The following PKIA variants were observed in gnomAD, a reference collection of about 807,000 sequenced individuals.
PKIA encodes cAMP-dependent protein kinase inhibitor alpha.
Under a neutral mutation model 7.6 loss-of-function variants are expected in PKIA, and 4 were observed. That is an observed-to-expected ratio of 0.52 (90% confidence interval 0.26 to 1.20). The LOEUF (loss-of-function observed/expected upper bound fraction) is 1.20, where lower values mean the gene tolerates loss of function less well. Among genes scored for constraint, PKIA ranks in the 50% most tolerant of loss-of-function variants. The probability of loss-of-function intolerance (pLI) is 0.13; values close to 1 mark genes in which losing one functional copy is unlikely to be tolerated. For missense variants in PKIA, 73 were observed against 86.2 expected (o/e 0.85, Z 0.61); for synonymous variants, 21 against 30.7 (o/e 0.68, Z 1.04).
At chr8:78,559,480 T>G (rs1052223042) in intron 1 of PKIA, among the ~76,000 whole-genome samples, 1 of 152,202 alleles carries the variant, frequency 6.6e-6, no homozygotes, top group African/African-American at 2.4e-5. Flanking sequence ...AGTGTGGTTT[T>G]GATGAAAACT....
rs957671078 is a variant in PKIA at position 78,603,766 on chromosome 8, C to A, written c.*1945C>A. ...ATAGGTTTCTTGTGAATTTAAACTT[C>A]TCTTCTTTCTTAAGGTTGTGAAATT... On this transcript the variant is annotated 3_prime_UTR_variant, in exon 4 of 4. Transcript: ENST00000396418. The A allele has an allele frequency of 1.3e-5, 2 of 151,896 alleles. No homozygotes were observed. The highest frequency in any genetic ancestry group is 2.9e-5 in the Non-Finnish European group (2 of 67,922). The allele number at this position is 151,896 out of a possible 1,614,324, so 9.4% of individuals were successfully genotyped here. A position where few individuals can be genotyped will look rare whatever the true frequency, so the allele number is the denominator to read the frequency against.
intron 1 of PKIA, among the ~76,000 whole-genome samples, chr8:78,562,326 T>C (rs764708993): frequency 1.3e-5 from 2 of 152,144 alleles, no homozygotes; most frequent in Admixed American, 6.6e-5. Context: ...AGCCCACACT[T>C]CATAGAGTCA....
intron 2 of PKIA, among the ~76,000 whole-genome samples, chr8:78,584,562 T>TC (rs1196355185): frequency 8.5e-5 from 13 of 152,096 alleles, no homozygotes; most frequent in African/African-American, 2.9e-4. Flanking sequence ...TAATTATAAC[T>TC]CAAATGAGTT....
intron 1 of PKIA, among the ~76,000 whole-genome samples, chr8:78,560,355 A>C (rs930623041): frequency 2.6e-5 from 4 of 152,224 alleles, no homozygotes; most frequent in Admixed American, 2.6e-4. Flanking sequence ...TCCCCACCAG[A>C]ACAAATGACA....
chr8:78,588,785 A>G (rs1420218809), intron 2 of PKIA, among the ~76,000 whole-genome samples: 2 of 151,832 alleles, frequency 1.3e-5, no homozygotes, highest in African/African-American at 4.8e-5. Context: ...ATTAGTATCT[A>G]CCTCTTTTCC....
rs1303228464 is a variant in PKIA, at chr8:78,605,170, C to T, written c.*3349C>T. The stretch of plus-strand genomic sequence containing the variant: ...GTTCTTTAATTACAAGAGTGGCAGT[C>T]TCTGAAGTCATTTGTGAGCTTGTAT... On this transcript the variant is annotated 3_prime_UTR_variant, in exon 4 of 4. Transcript: ENST00000396418. 1 of 151,916 alleles carries T rather than the reference C, an allele frequency of 6.6e-6. No individual in the cohort carries two copies. The highest frequency in any genetic ancestry group is 1.5e-5 in the Non-Finnish European group (1 of 67,932). 9.4% of individuals were successfully genotyped at this position (151,916 alleles called of 1,614,324 possible).
intron 2 of PKIA, among the ~76,000 whole-genome samples, chr8:78,584,053 G>A (rs1807887863): frequency 2.6e-5 from 4 of 151,968 alleles, no homozygotes; most frequent in African/African-American, 9.7e-5. Context: ...ATGTAAAACA[G>A]CTTATTTTTA....
intron 1 of PKIA, among the ~76,000 whole-genome samples, chr8:78,552,081 C>G (rs73687529): frequency 0.018 from 2,709 of 151,796 alleles, 81 homozygotes; most frequent in African/African-American, 0.063. Flanking sequence ...ATGTCTGGAA[C>G]AAGAGCAAGC....
rs771745504 is a variant in PKIA at position 78,530,444 on chromosome 8, T to C, written c.-157+13976T>C. 1.2e-4 allele frequency among the ~76,000 whole-genome samples: 19 copies of C among 152,112 alleles called. No homozygotes were observed. In the Middle Eastern group the frequency reaches 0.01, roughly 82 times the overall value. On this transcript the variant is annotated intron_variant, in intron 1 of 3. Transcript: ENST00000396418. ...TTACAAACCTCACTGGATCCTGAAC[T>C]AGGAAAATCTGTAAGGGTTATTTAC...
At chr8:78,524,199 T>TAAAC (rs1809495581) in intron 1 of PKIA, among the ~76,000 whole-genome samples, 3 of 126,968 alleles carry the variant, frequency 2.4e-5, no homozygotes, top group African/African-American at 1.1e-4. Context: ...TAAACATTTA[T>TAAAC]ATTTATATAT....
chr8:78,552,891 T>C (rs1807020342), intron 1 of PKIA, among the ~76,000 whole-genome samples: 1 of 151,944 alleles, frequency 6.6e-6, no homozygotes, highest in African/African-American at 2.4e-5. Flanking sequence ...TTAATTATCT[T>C]CAACATTGTA....
In PKIA at chr8:78,572,846, AG is replaced by A. The variant is rs1807585776; in HGVS notation, c.-120del. On this transcript the variant is annotated 5_prime_UTR_variant, in exon 2 of 4. Transcript: ENST00000396418. ...TTCTGAGAAGCCCTGGTTTCCCCAA[AG>A]AAGTGATTTCTGATAGAAATCTGAA... 1 of 152,072 alleles carries A rather than the reference AG, an allele frequency of 6.6e-6. No individual in the cohort carries two copies. The highest frequency in any genetic ancestry group is 1.5e-5 in the Non-Finnish European group (1 of 68,008). 9.4% of individuals were successfully genotyped at this position (152,072 alleles called of 1,614,324 possible). A position where few individuals can be genotyped will look rare whatever the true frequency, so the allele number is the denominator to read the frequency against.
intron 2 of PKIA, among the ~76,000 whole-genome samples, chr8:78,590,411 T>A (rs1325638993): frequency 6.6e-6 from 1 of 152,092 alleles, no homozygotes; most frequent in Non-Finnish European, 1.5e-5. Flanking sequence ...GATTCCACAT[T>A]GAAAAAAAGC....
rs1171380380 is a variant in PKIA, at chr8:78,603,976, G to GCTTT, written c.*2156_*2159dup. ...GGATTTAGTTTGACTTCTTACTACT[G>GCTTT]CTTTGTCTGCTATATTCAAACCCAA... On this transcript the variant is annotated 3_prime_UTR_variant, in exon 4 of 4. Transcript: ENST00000396418. 2.0e-5 allele frequency: 3 copies of GCTTT among 151,954 alleles called. No individual in the cohort carries two copies. Among genetic ancestry groups the GCTTT allele is most frequent in the Non-Finnish European group, 4.4e-5 (3 of 67,934 alleles). The allele number at this position is 151,954 out of a possible 1,614,324, so 9.4% of individuals were successfully genotyped here.
chr8:78,584,686 C>A (rs565217998), intron 2 of PKIA, among the ~76,000 whole-genome samples: 9 of 152,148 alleles, frequency 5.9e-5, no homozygotes, highest in African/African-American at 2.2e-4. Context: ...ATTTGTACCA[C>A]AAGGTAATAG....
At chr8:78,576,790 A>G (rs1333470908) in intron 2 of PKIA, among the ~76,000 whole-genome samples, 1 of 151,992 alleles carries the variant, frequency 6.6e-6, no homozygotes, top group Admixed American at 6.6e-5. Flanking sequence ...ATTAAAAAGA[A>G]AAGTTAACTA....
At chr8:78,536,859 TACACACACACACACACACACACACACAC>T (rs58547049) in intron 1 of PKIA, among the ~76,000 whole-genome samples, 5 of 136,130 alleles carry the variant, frequency 3.7e-5, no homozygotes, top group African/African-American at 5.4e-5. Context: ...CTAGAAAACA[TACACACACACACACACACACACACACAC>T]ACACACACAC....
At chr8:78,543,670 C>T (rs944631979) in intron 1 of PKIA, among the ~76,000 whole-genome samples, 6 of 152,130 alleles carry the variant, frequency 3.9e-5, no homozygotes, top group Non-Finnish European at 7.4e-5. Flanking sequence ...ATAATCAAAA[C>T]GAGAATTCCT....
At chr8:78,549,473 T>G (rs1464561906) in intron 1 of PKIA, among the ~76,000 whole-genome samples, 1 of 152,020 alleles carries the variant, frequency 6.6e-6, no homozygotes, top group Non-Finnish European at 1.5e-5. Flanking sequence ...TGGTCTTTCT[T>G]GAAGATTATT....
Sources: allele counts gnomAD v4.1 joint callset (sites outside exome capture counted in the v4.1 genomes callset), GRCh38; gene constraint gnomAD v4.1.1; transcripts MANE v1.5; gene names NCBI Gene and HGNC (gene_info 2026-07-23, HGNC 2026-07-21).